Variants in SH3GL3 observed in about 807,000 individuals in gnomAD.
SH3GL3 encodes the protein SH3 domain containing GRB2 like 3, endophilin A3.
Under a neutral mutation model 47.7 loss-of-function variants are expected in SH3GL3, and 33 were observed. The ratio of observed to expected loss-of-function variants is 0.69; its 90% confidence interval spans 0.52 to 0.92. The LOEUF is 0.92. Ranked by LOEUF, SH3GL3 falls within the 40% of genes least tolerant of loss-of-function variation. The probability of loss-of-function intolerance (pLI) is 0.00; values close to 1 mark genes in which losing one functional copy is unlikely to be tolerated. For missense variants in SH3GL3, 363 were observed against 417.8 expected (o/e 0.87, Z 1.14); for synonymous variants, 155 against 148.8 (o/e 1.04, Z -0.30).
intron 1 of SH3GL3, among the ~76,000 whole-genome samples, chr15:83,499,364 C>A (rs2042204750): frequency 6.8e-6 from 1 of 146,022 alleles, no homozygotes. Flanking sequence ...AAATGAAAGG[C>A]ACTCCAGCCT....
chr15:83,609,442 C>T (rs1431766087), intron 8 of SH3GL3: 1 of 402,450 alleles, frequency 2.5e-6, no homozygotes, highest in East Asian at 7.1e-5. Context: ...GGGGGATTTA[C>T]TAAAAGACAA....
chr15:83,493,667 T>C (rs1431471608), intron 1 of SH3GL3, among the ~76,000 whole-genome samples: 1 of 152,152 alleles, frequency 6.6e-6, no homozygotes, highest in African/African-American at 2.4e-5. Context: ...GCTCCTGCCC[T>C]GAGCGATTCC....
At chr15:83,492,193 G>A (rs536978056) in intron 1 of SH3GL3, among the ~76,000 whole-genome samples, 10 of 142,080 alleles carry the variant, frequency 7.0e-5, no homozygotes, top group Middle Eastern at 3.8e-3. Context: ...TGAGGCAGGA[G>A]AATTGCTTGA....
chr15:83,449,813 TG>T (rs2039648713), intron 1 of SH3GL3, among the ~76,000 whole-genome samples: 1 of 152,008 alleles, frequency 6.6e-6, no homozygotes, highest in Non-Finnish European at 1.5e-5. Context: ...CCATGTTTTG[TG>T]GTTAAAAGTA....
intron 1 of SH3GL3, among the ~76,000 whole-genome samples, chr15:83,488,708 T>C (rs1450729792): frequency 6.6e-6 from 1 of 152,248 alleles, no homozygotes; most frequent in East Asian, 1.9e-4. Context: ...TGTGGCACAG[T>C]TGTCACCCCC....
At chr15:83,547,405 T>C (rs1270667361) in intron 1 of SH3GL3, among the ~76,000 whole-genome samples, 2 of 152,220 alleles carry the variant, frequency 1.3e-5, no homozygotes, top group African/African-American at 4.8e-5. Context: ...CTCCCGCAAG[T>C]GCACAGATTC....
intron 6 of SH3GL3, among the ~76,000 whole-genome samples, chr15:83,577,896 G>A (rs1031318579): frequency 6.6e-6 from 1 of 152,232 alleles, no homozygotes; most frequent in Admixed American, 6.5e-5. Flanking sequence ...ATGGTTAAGG[G>A]AGAACAGCTC....
intron 1 of SH3GL3, among the ~76,000 whole-genome samples, chr15:83,522,812 AG>A (rs2043263697): frequency 6.6e-6 from 1 of 152,206 alleles, no homozygotes; most frequent in Admixed American, 6.5e-5. Context: ...TATAGGAAAA[AG>A]TCTGTGTAGG....
intron 1 of SH3GL3, chr15:83,490,707 C>A: frequency 1.4e-6 from 2 of 1,480,634 alleles, no homozygotes; most frequent in Non-Finnish European, 1.8e-6. Flanking sequence ...CAAGCTCTCA[C>A]AAGGGCAATA....
chr15:83,481,197 C>T (rs1432800721), intron 1 of SH3GL3, among the ~76,000 whole-genome samples: 1 of 151,068 alleles, frequency 6.6e-6, no homozygotes, highest in Non-Finnish European at 1.5e-5. Context: ...ATCGCTTGAA[C>T]CCGGGAGGCG....
rs577167513 is a variant in SH3GL3 at position 83,494,890 on chromosome 15, T to C, written c.45+47312T>C. On this transcript the variant is annotated intron_variant, in intron 1 of 8. Transcript: ENST00000427482. The stretch of plus-strand genomic sequence containing the variant: ...AGTTTCCAACCTGATTGACAGTTTG[T>C]CCTCAACAGCATGGGCAGAGATGGG... 1.4e-4 allele frequency among the ~76,000 whole-genome samples: 21 copies of C among 152,236 alleles called. No individual in the cohort carries two copies. In the South Asian group the frequency reaches 4.4e-3, roughly 32 times the overall value.
intron 6 of SH3GL3, 46 bp from the exon 7 acceptor site, chr15:83,586,937 A>T: frequency 9.6e-7 from 1 of 1,042,118 alleles, no homozygotes; most frequent in Non-Finnish European, 1.5e-6. Flanking sequence ...TCTGGACATT[A>T]CACAGGCTCG....
chr15:83,581,569 G>A (rs1033338337), intron 6 of SH3GL3, among the ~76,000 whole-genome samples: 1 of 152,170 alleles, frequency 6.6e-6, no homozygotes, highest in African/African-American at 2.4e-5. Flanking sequence ...TGAGAAATCC[G>A]GAGCCCAGAG....
At chr15:83,567,715 T>C (rs1226161690) in intron 3 of SH3GL3, among the ~76,000 whole-genome samples, 1 of 152,118 alleles carries the variant, frequency 6.6e-6, no homozygotes, top group East Asian at 1.9e-4. Flanking sequence ...TGTGTGTGTG[T>C]GCGTGCGCGC....
chr15:83,619,298 T>A (rs1187467370), downstream of SH3GL3, among the ~76,000 whole-genome samples: 1 of 152,124 alleles, frequency 6.6e-6, no homozygotes, highest in Admixed American at 6.5e-5. Context: ...CTTACTGCAA[T>A]AAAGCAAATA....
intron 8 of SH3GL3, among the ~76,000 whole-genome samples, chr15:83,598,877 A>G (rs2060304850): frequency 6.6e-6 from 1 of 152,218 alleles, no homozygotes; most frequent in South Asian, 2.1e-4. Context: ...TTTCATGCTT[A>G]CAGTCTCTAT....
intron 1 of SH3GL3, among the ~76,000 whole-genome samples, chr15:83,554,103 T>G (rs1251663819): frequency 6.7e-6 from 1 of 148,152 alleles, no homozygotes; most frequent in African/African-American, 2.5e-5. Context: ...CATTGCAACC[T>G]CTGCCTCCCG....
intron 8 of SH3GL3, among the ~76,000 whole-genome samples, chr15:83,616,158 C>T (rs1431159016): frequency 6.6e-6 from 1 of 151,176 alleles, no homozygotes; most frequent in African/African-American, 2.4e-5. Context: ...TATAAAGGGA[C>T]TTCTAAACAT....
At chr15:83,473,528 G>A (rs2040934679) in intron 1 of SH3GL3, among the ~76,000 whole-genome samples, 1 of 151,500 alleles carries the variant, frequency 6.6e-6, no homozygotes, top group African/African-American at 2.4e-5. Flanking sequence ...CCCTTGGCTA[G>A]AGAGAGCAGA....
Sources: gnomAD v4.1 joint callset for allele counts (sites outside exome capture counted in the v4.1 genomes callset) on GRCh38, gnomAD v4.1.1 for gene constraint, MANE v1.5 for transcripts, NCBI Gene and HGNC (gene_info 2026-07-23, HGNC 2026-07-21) for gene names.